PDGFRA: variants seen among roughly 807,000 people sequenced by gnomAD.
PDGFRA encodes platelet-derived growth factor receptor alpha.
A neutral mutation model predicts 121.5 loss-of-function variants in PDGFRA; 25 were observed. The observed-to-expected ratio is 0.21, with a 90% CI of 0.15 to 0.29. The LOEUF (loss-of-function observed/expected upper bound fraction) is 0.29, where lower values mean the gene tolerates loss of function less well. Ranked by LOEUF, PDGFRA falls within the 10% of genes least tolerant of loss-of-function variation. PDGFRA has a pLI of 1.00. For missense variants in PDGFRA, 1,008 were observed against 1,345.1 expected, an observed-to-expected ratio of 0.75 and a Z score of 3.92; for synonymous variants, 463 against 494.8, an observed-to-expected ratio of 0.94 and a Z score of 0.85.
intron 15 of PDGFRA, chr4:54,278,798 AC>A: frequency 1.7e-6 from 1 of 571,776 alleles, no homozygotes; most frequent in Middle Eastern, 2.7e-4. Flanking sequence ...CATGTGATCC[AC>A]TTAGACCTAT....
At chr4:54,248,027 C>G (rs1202851094) in intron 1 of PDGFRA, among the ~76,000 whole-genome samples, 1 of 152,170 alleles carries the variant, frequency 6.6e-6, no homozygotes, top group African/African-American at 2.4e-5. Context: ...TGAAGGACCT[C>G]TTCAAGAACT....
intron 22 of PDGFRA, among the ~76,000 whole-genome samples, chr4:54,292,618 A>G (rs998545477): frequency 1.3e-5 from 2 of 152,170 alleles, no homozygotes; most frequent in African/African-American, 4.8e-5. Flanking sequence ...ACCATGACGC[A>G]TGTTTACCCA....
chr4:54,294,382 A>G (rs1406622814), intron 22 of PDGFRA, among the ~76,000 whole-genome samples: 1 of 152,172 alleles, frequency 6.6e-6, no homozygotes, highest in East Asian at 1.9e-4. Context: ...AGAAAGTCAC[A>G]TTGGAATAAA....
chr4:54,295,638 T>C lies in PDGFRA; in HGVS notation c.*366T>C. On this transcript the variant is annotated 3_prime_UTR_variant, in exon 23 of 23. Transcript: ENST00000257290. Reference sequence around the variant, plus strand: ...TCAGCATTGTAATTATGTAAATAACTCTAACCAAGGCTGTGTTTAGATTGT... The same window carrying C: ...TCAGCATTGTAATTATGTAAATAACCCTAACCAAGGCTGTGTTTAGATTGT... 2.6e-6 allele frequency: 1 copy of C among 387,170 alleles called. No homozygotes were observed. The highest frequency in any genetic ancestry group is 4.8e-6 in the Non-Finnish European group (1 of 208,406). 24.0% of individuals were successfully genotyped at this position (387,170 alleles called of 1,614,324 possible).
At chr4:54,250,685 GTTTTAA>G (rs2110215400) in intron 1 of PDGFRA, among the ~76,000 whole-genome samples, 1 of 152,284 alleles carries the variant, frequency 6.6e-6, no homozygotes, top group East Asian at 1.9e-4. Context: ...CAATTGTCTT[GTTTTAA>G]TCCTTTTCAA....
intron 16 of PDGFRA, among the ~76,000 whole-genome samples, chr4:54,283,937 T>G (rs1724189757): frequency 6.6e-6 from 1 of 152,190 alleles, no homozygotes; most frequent in African/African-American, 2.4e-5. Context: ...CAACTTCAAG[T>G]CATTTCTTTG....
intron 1 of PDGFRA, among the ~76,000 whole-genome samples, chr4:54,235,706 C>T (rs2110175453): frequency 6.6e-6 from 1 of 152,332 alleles, no homozygotes; most frequent in African/African-American, 2.4e-5. Flanking sequence ...AGTCATGTGG[C>T]TTCTGGGGCA....
At chr4:54,246,883 G>A (rs912130190) in intron 1 of PDGFRA, among the ~76,000 whole-genome samples, 2 of 151,746 alleles carry the variant, frequency 1.3e-5, no homozygotes, top group African/African-American at 2.4e-5. Context: ...ATGATAAAGG[G>A]GATATCACCA....
At chr4:54,281,717 C>T in intron 16 of PDGFRA, 1 of 1,350,790 alleles carries the variant, frequency 7.4e-7, no homozygotes, top group Non-Finnish European at 9.7e-7. Context: ...TAGAGCTACT[C>T]TTCACTTGCT....
chr4:54,271,165 T>C lies in PDGFRA; in HGVS notation c.1237+417T>C, dbSNP rs576466598. Among the ~76,000 whole-genome samples, 273 of 152,254 alleles carry C rather than the reference T, an allele frequency of 1.8e-3. 1 individual carries two copies. The highest frequency in any genetic ancestry group is 3.3e-3 in the Non-Finnish European group (225 of 68,008). On this transcript the variant is annotated intron_variant, in intron 8 of 22. Transcript: ENST00000257290. ...AAGAGAGAAGCAGATGACCTTAGAT[T>C]GTTCTGGAGAGTTTTGCTACAAGTT...
chr4:54,241,538 T>C (rs977304888), intron 1 of PDGFRA, among the ~76,000 whole-genome samples: 3 of 151,530 alleles, frequency 2.0e-5, no homozygotes, highest in Admixed American at 6.6e-5. Context: ...TTTATTTATT[T>C]ATTTATTTAT....
At chr4:54,286,028 G>T in intron 18 of PDGFRA, 65 bp downstream of exon 18, 2 of 1,531,194 alleles carry the variant, frequency 1.3e-6, no homozygotes, top group African/African-American at 1.4e-5. Context: ...AAAGTCAGGT[G>T]TTGCTTCTAG....
chr4:54,274,107 T>C (rs1723570367), intron 10 of PDGFRA, among the ~76,000 whole-genome samples: 1 of 152,230 alleles, frequency 6.6e-6, no homozygotes, highest in East Asian at 1.9e-4. Context: ...AAGGATCTTC[T>C]GTCTCATTGC....
chr4:54,296,503 G>A lies in PDGFRA; in HGVS notation c.*1231G>A, dbSNP rs887990978. ...TCCTTCTTTCACCCCTTACCCCAAA[G>A]AGAAAGAGTTTGAAACTCGAGACCA... On this transcript the variant is annotated 3_prime_UTR_variant, in exon 23 of 23. Transcript: ENST00000257290. The A allele has an allele frequency of 3.9e-5, 9 of 231,206 alleles. No homozygotes were observed. The highest frequency in any genetic ancestry group is 1.6e-4 in the African/African-American group (7 of 45,128). The allele number at this position is 231,206 out of a possible 1,614,324, so 14.3% of individuals were successfully genotyped here. A position where few individuals can be genotyped will look rare whatever the true frequency, so the allele number is the denominator to read the frequency against.
At chr4:54,262,556 C>A (rs1722807259) in intron 3 of PDGFRA, among the ~76,000 whole-genome samples, 1 of 152,126 alleles carries the variant, frequency 6.6e-6, no homozygotes, top group Admixed American at 6.5e-5. Flanking sequence ...TCTGCCTTTT[C>A]TTTTTCAGTT....
At chr4:54,261,023 G>GCTT (rs1379833591) in intron 2 of PDGFRA, 72 bp from the exon 3 acceptor site, 1 of 1,342,730 alleles carries the variant, frequency 7.4e-7, no homozygotes, top group African/African-American at 1.4e-5. Context: ...TGCTACTGTT[G>GCTT]CTTCTCTCAG....
At chr4:54,279,283 C>G (rs1448700520) in intron 15 of PDGFRA, among the ~76,000 whole-genome samples, 1 of 152,178 alleles carries the variant, frequency 6.6e-6, no homozygotes, top group Non-Finnish European at 1.5e-5. Flanking sequence ...AGGGAACTGG[C>G]TCTGAAAACA....
chr4:54,297,181 G>T lies in PDGFRA; in HGVS notation c.*1909G>T, dbSNP rs192795307. ...TCCACACTGTCAAACAGGTTGGTGT[G>T]GGTTCATTGGCATTCTTTGCAATAC... On this transcript the variant is annotated 3_prime_UTR_variant, in exon 23 of 23. Transcript: ENST00000257290. 4.3e-6 allele frequency: 1 copy of T among 233,578 alleles called. No individual in the cohort carries two copies. The highest frequency in any genetic ancestry group is 8.5e-6 in the Non-Finnish European group (1 of 118,050). The allele number at this position is 233,578 out of a possible 1,614,324, so 14.5% of individuals were successfully genotyped here. A position where few individuals can be genotyped will look rare whatever the true frequency, so the allele number is the denominator to read the frequency against.
chr4:54,272,143 A>G (rs1405101479), intron 8 of PDGFRA, among the ~76,000 whole-genome samples: 4 of 150,728 alleles, frequency 2.7e-5, no homozygotes, highest in Admixed American at 6.6e-5. Context: ...CATCACAACC[A>G]TGGACTTTTC....
Sources: gnomAD v4.1 joint callset for allele counts (sites outside exome capture counted in the v4.1 genomes callset) on GRCh38, gnomAD v4.1.1 for gene constraint, MANE v1.5 for transcripts, NCBI Gene and HGNC (gene_info 2026-07-23, HGNC 2026-07-21) for gene names.